MMP16: variants seen among roughly 807,000 people sequenced by gnomAD.
MMP16 encodes the protein matrix metalloproteinase-16.
In MMP16, 12 loss-of-function variants were observed where a neutral mutation model predicts 67.8. The ratio of observed to expected loss-of-function variants is 0.18; its 90% CI spans 0.11 to 0.29. The LOEUF (loss-of-function observed/expected upper bound fraction) is 0.29. Ranked by LOEUF, MMP16 falls within the 10% of genes least tolerant of loss-of-function variation. The probability of loss-of-function intolerance (pLI) is 1.00; values close to 1 mark genes in which losing one functional copy is unlikely to be tolerated. For missense variants in MMP16, 475 were observed against 765.7 expected, an observed-to-expected ratio of 0.62 and a Z score of 4.48; for synonymous variants, 249 against 255.9, an observed-to-expected ratio of 0.97 and a Z score of 0.26.
At chr8:88,172,990 A>G (rs556809245) in intron 3 of MMP16, among the ~76,000 whole-genome samples, 19 of 152,210 alleles carry the variant, frequency 1.2e-4, no homozygotes, top group African/African-American at 4.3e-4. Flanking sequence ...CATTAGATCA[A>G]AACAATTTCA....
intron 1 of MMP16, among the ~76,000 whole-genome samples, chr8:88,325,938 C>G (rs765254146): frequency 2.0e-5 from 3 of 152,096 alleles, no homozygotes; most frequent in Non-Finnish European, 4.4e-5. Context: ...CTCTGTGTAT[C>G]AATTGGTTAC....
At chr8:88,135,407 G>C (rs1250110624) in intron 4 of MMP16, among the ~76,000 whole-genome samples, 1 of 151,734 alleles carries the variant, frequency 6.6e-6, no homozygotes, top group Non-Finnish European at 1.5e-5. Flanking sequence ...GCAAACTCAA[G>C]GATATTTTAC....
intron 8 of MMP16, among the ~76,000 whole-genome samples, chr8:88,049,930 TGGGA>T (rs1225907045): frequency 6.6e-6 from 1 of 151,668 alleles, no homozygotes; most frequent in Non-Finnish European, 1.5e-5. Context: ...GAGGCTGAGG[TGGGA>T]GGATCTGTTG....
Position 88,274,427 on chromosome 8 carries a change from C to G in MMP16, c.132+52648G>C, listed in dbSNP as rs184314596. Among the ~76,000 whole-genome samples the G allele has an allele frequency of 3.9e-4, 59 of 152,118 alleles. 1 individual carries two copies. The highest frequency in any genetic ancestry group is 1.3e-3 in the African/African-American group (55 of 41,536). ...TATTGTATTTTTCTCTCTCACTTAC[C>G]TTTAATACGTAAGTCCACAGACATA... On this transcript the variant is annotated intron_variant, in intron 1 of 9. Coordinates refer to ENST00000286614, the MANE Select transcript of MMP16 (RefSeq NM_005941.5).
chr8:88,173,897 T>C (rs925350533), intron 3 of MMP16, among the ~76,000 whole-genome samples: 1 of 152,164 alleles, frequency 6.6e-6, no homozygotes, highest in Non-Finnish European at 1.5e-5. Context: ...ACATATTACA[T>C]TGGGTGTTGT....
At chr8:88,081,492 G>A (rs1391738903) in intron 6 of MMP16, among the ~76,000 whole-genome samples, 3 of 152,082 alleles carry the variant, frequency 2.0e-5, no homozygotes, top group Non-Finnish European at 2.9e-5. Context: ...GCTTGTGCCT[G>A]TAATCCCAGC....
chr8:88,087,031 T>C (rs1189228214), intron 6 of MMP16, among the ~76,000 whole-genome samples: 1 of 151,868 alleles, frequency 6.6e-6, no homozygotes, highest in Non-Finnish European at 1.5e-5. Context: ...GAAAACTTGG[T>C]CAATATTCTG....
intron 1 of MMP16, among the ~76,000 whole-genome samples, chr8:88,230,313 G>C (rs776701932): frequency 6.6e-6 from 1 of 152,006 alleles, no homozygotes; most frequent in African/African-American, 2.4e-5. Flanking sequence ...AAAAATAAAC[G>C]AATTTAAGTA....
At chr8:88,319,613 A>C (rs1384196199) in intron 1 of MMP16, among the ~76,000 whole-genome samples, 7 of 152,174 alleles carry the variant, frequency 4.6e-5, no homozygotes, top group Admixed American at 3.3e-4. Flanking sequence ...TCCCACGGAA[A>C]AATGCCCCCA....
At chr8:88,244,703 G>C (rs761261172) in intron 1 of MMP16, among the ~76,000 whole-genome samples, 17 of 152,136 alleles carry the variant, frequency 1.1e-4, no homozygotes, top group Non-Finnish European at 2.5e-4. Context: ...GCTGGTGCTT[G>C]AACACAAGCA....
At chr8:88,267,942 A>C (rs771905650) in intron 1 of MMP16, among the ~76,000 whole-genome samples, 2 of 152,206 alleles carry the variant, frequency 1.3e-5, no homozygotes, top group Non-Finnish European at 2.9e-5. Flanking sequence ...CACAGTTTTT[A>C]ATATAGTTTA....
At chr8:88,219,656 T>C (rs919584192) in intron 1 of MMP16, among the ~76,000 whole-genome samples, 7 of 152,136 alleles carry the variant, frequency 4.6e-5, no homozygotes, top group African/African-American at 1.2e-4. Flanking sequence ...CAATATGCAC[T>C]GCATTAAAAT....
chr8:88,268,601 C>CCATAATA lies in MMP16; in HGVS notation c.132+58467_132+58473dup, dbSNP rs558701855. 2.4e-3 allele frequency among the ~76,000 whole-genome samples: 359 copies of CCATAATA among 152,210 alleles called. 2 individuals carry two copies. The Middle Eastern group carries it at 0.027, about 12-fold the overall frequency. Reference sequence around the variant, plus strand: ...TTCTGGTTAAAAGGGTAGGAGAGGACCATAATAGGTCAACTTTCTTTTTTC... The same window carrying CCATAATA: ...TTCTGGTTAAAAGGGTAGGAGAGGACCATAATACATAATAGGTCAACTTTCTTTTTTC... On this transcript the variant is annotated intron_variant, in intron 1 of 9. Coordinates refer to ENST00000286614, the MANE Select transcript of MMP16 (RefSeq NM_005941.5).
intron 1 of MMP16, among the ~76,000 whole-genome samples, chr8:88,289,728 ACACC>A (rs1337558827): frequency 1.3e-3 from 144 of 109,728 alleles, no homozygotes; most frequent in African/African-American, 4.2e-3. Flanking sequence ...ACACACACAC[ACACC>A]CCACTCATAT....
intron 7 of MMP16, among the ~76,000 whole-genome samples, chr8:88,059,185 G>A (rs1276322086): frequency 6.6e-6 from 1 of 152,052 alleles, no homozygotes; most frequent in Non-Finnish European, 1.5e-5. Flanking sequence ...TATAAATTTA[G>A]GATGTGTTGA....
At chr8:88,251,243 T>C (rs1012999760) in intron 1 of MMP16, among the ~76,000 whole-genome samples, 6 of 151,830 alleles carry the variant, frequency 4.0e-5, no homozygotes, top group Non-Finnish European at 7.4e-5. Flanking sequence ...ATTCAAACTA[T>C]ACTACAAGGC....
chr8:88,150,795 C>A (rs2129644389), intron 4 of MMP16, among the ~76,000 whole-genome samples: 1 of 151,630 alleles, frequency 6.6e-6, no homozygotes, highest in South Asian at 2.1e-4. Context: ...TAGGAAGAAA[C>A]TGCATCAACT....
chr8:88,118,950 C>G (rs1309224134), intron 4 of MMP16, 89 bp from the exon 5 acceptor site: 1 of 1,257,174 alleles, frequency 8.0e-7, no homozygotes, highest in Non-Finnish European at 1.1e-6. Context: ...ACATTTTACC[C>G]AAGAAAAATA....
intron 6 of MMP16, among the ~76,000 whole-genome samples, chr8:88,076,237 T>C (rs1808649421): frequency 6.6e-6 from 1 of 152,130 alleles, no homozygotes; most frequent in Non-Finnish European, 1.5e-5. Context: ...AGTCACTGAG[T>C]TAGTACAAAC....
Sources: gnomAD v4.1 joint callset for allele counts (sites outside exome capture counted in the v4.1 genomes callset) on GRCh38, gnomAD v4.1.1 for gene constraint, MANE v1.5 for transcripts, NCBI Gene and HGNC (gene_info 2026-07-23, HGNC 2026-07-21) for gene names.